The following FBXO41 variants were observed in gnomAD, a reference collection of about 807,000 sequenced individuals.
FBXO41 encodes F-box only protein 41.
FBXO41 carries 33 observed loss-of-function variants against 81.6 expected under a neutral mutation model. That is an observed-to-expected ratio of 0.40 (90% confidence interval 0.31 to 0.54). The LOEUF is 0.54. Among genes scored for constraint, FBXO41 ranks in the 20% least tolerant of loss-of-function variants. FBXO41 has a pLI of 0.39. For synonymous variants in FBXO41, 576 were observed against 552.7 expected (o/e 1.04, Z -0.59); for missense variants, 1,107 against 1,236.0 (o/e 0.90, Z 1.56).
In FBXO41 at chr2:73,269,708, C is replaced by G. The variant is rs894436513; in HGVS notation, c.-78G>C. ...AGCCGGGCGCGCTCATGGGGGACCG[C>G]GGGCGAGGCCCCCTGCGGGGTCAGG... On this transcript the variant is annotated 5_prime_UTR_variant, in exon 2 of 13. Transcript: ENST00000520530. The surrounding 1 kb of genome is among the most constrained non-coding windows in gnomAD (Gnocchi z 7.0). The G allele has an allele frequency of 1.6e-5, 17 of 1,034,088 alleles. No homozygotes were observed. Among genetic ancestry groups the G allele is most frequent in the Non-Finnish European group, 9.5e-6 (8 of 843,522 alleles). The allele number at this position is 1,034,088 out of a possible 1,614,324, so 64.1% of individuals were successfully genotyped here.
chr2:73,259,151 T>C lies in FBXO41; in HGVS notation c.2565+30A>G. Reference sequence around the variant, plus strand: ...CCCAGTCTAGGGATGCCACTTGGGGTCTTGGACAGCCTCAGAGCTGACCCC... The same window carrying C: ...CCCAGTCTAGGGATGCCACTTGGGGCCTTGGACAGCCTCAGAGCTGACCCC... On this transcript the variant is annotated intron_variant, in intron 12 of 12. Transcript: ENST00000520530. The surrounding 1 kb of genome is among the most constrained non-coding windows in gnomAD (Gnocchi z 4.2). 6.2e-7 allele frequency: 1 copy of C among 1,613,110 alleles called. No individual in the cohort carries two copies. The highest frequency in any genetic ancestry group is 8.5e-7 in the Non-Finnish European group (1 of 1,179,250).
Position 73,260,498 on chromosome 2 carries a change from C to T in FBXO41, c.2340G>A (p.Glu780=). ...LQVLELDHVS[E]ITQEVAAEVC... ...CCTCTGCTGCCACCTCCTGGGTGAT[C>T]TCTGACACGTGGTCAAGCTCCAGGA... The change falls in exon 11 of 13, where the codon GAG becomes GAA. Residue 780 remains glutamate, a synonymous_variant. Coordinates refer to ENST00000520530, the MANE Select transcript of FBXO41 (RefSeq NM_001371389.2). The surrounding 1 kb of genome is among the most constrained non-coding windows in gnomAD (Gnocchi z 5.0). The T allele has an allele frequency of 6.2e-7, 1 of 1,602,648 alleles. No homozygotes were observed. The highest frequency in any genetic ancestry group is 8.5e-7 in the Non-Finnish European group (1 of 1,174,786).
chr2:73,265,426 G>T lies in FBXO41; in HGVS notation c.1420C>A (p.Pro474Thr), dbSNP rs908113664. The T allele has an allele frequency of 6.2e-6, 10 of 1,608,526 alleles. No individual in the cohort carries two copies. The highest frequency in any genetic ancestry group is 4.0e-5 in the African/African-American group (3 of 74,936). Residue 474 changes from proline to threonine, a missense_variant, in exon 5 of 13, where the codon CCC (proline) becomes ACC (threonine). By Grantham distance (38) the Pro-to-Thr change is conservative. Around this residue, in one of 2 missense-constraint regions of FBXO41, gnomAD observed 771 missense variants for 789.2 expected, o/e 0.98. Transcript: ENST00000520530. ...TCCCCCTCAGTGCTGTGTCGGCGGG[G>T]TCTGCGCTGCCAGTTCTGGATGGCC... ...RQAIQNWQRR[P>T]RRHSTEGEEG...
intron 1 of FBXO41, among the ~76,000 whole-genome samples, chr2:73,281,609 C>A (rs1286565762): frequency 3.9e-5 from 6 of 152,318 alleles, no homozygotes; most frequent in Middle Eastern, 3.4e-3. Flanking sequence ...TTGGGCTAGA[C>A]TAGCAAATGA....
At position 73,260,445 on chromosome 2, in the gene FBXO41, T is replaced by G. The variant is rs528806198; in HGVS notation, c.2393A>C (p.Glu798Ala). The part of the protein sequence containing the change: ...EVCREGLKGL[E>A]MLVLTATPVT... ...GGGAGTCGCCGTGAGCACCAGCATC[T>G]CCAGTCCCTTCAGGCCTTCCCGGCA... The change falls in exon 11 of 13, where the codon GAG (glutamate) becomes GCG (alanine). Residue 798 changes from glutamate to alanine, a missense_variant. Around this residue, in one of 2 missense-constraint regions of FBXO41, gnomAD observed 336 missense variants for 446.7 expected, o/e 0.75. Transcript: ENST00000520530. This position sits in a 1 kb window ranked among gnomAD's most constrained non-coding sequence, Gnocchi z 5.0. 2.5e-6 allele frequency: 4 copies of G among 1,609,606 alleles called. 1 individual carries two copies. In the South Asian group the frequency reaches 4.5e-5, roughly 18 times the overall value.
At position 73,255,568 on chromosome 2, in the gene FBXO41, G is replaced by A. The variant is rs1394499599; in HGVS notation, c.*3414C>T. On this transcript the variant is annotated 3_prime_UTR_variant, in exon 13 of 13. Transcript: ENST00000520530. ...TCGAGTTAACTTCTCTGGGCATTTG[G>A]GCCTTACACCCACTCACCATCTCCT... 3.9e-5 allele frequency: 6 copies of A among 152,610 alleles called. No individual in the cohort carries two copies. The highest frequency in any genetic ancestry group is 1.4e-4 in the African/African-American group (6 of 41,438). 9.5% of individuals were successfully genotyped at this position (152,610 alleles called of 1,614,324 possible).
At chr2:73,267,498 C>T (rs1688313336) in intron 2 of FBXO41, among the ~76,000 whole-genome samples, 1 of 152,198 alleles carries the variant, frequency 6.6e-6, no homozygotes, top group South Asian at 2.1e-4. Flanking sequence ...GTTTGTGCAT[C>T]CATTCAACAT....
chr2:73,282,276 G>T (rs1053660422), intron 1 of FBXO41, among the ~76,000 whole-genome samples: 3 of 152,184 alleles, frequency 2.0e-5, no homozygotes, highest in African/African-American at 7.2e-5. Flanking sequence ...TTACAGGCGT[G>T]AGCCACCGTG....
intron 1 of FBXO41, among the ~76,000 whole-genome samples, chr2:73,274,846 C>T (rs925431338): frequency 6.7e-6 from 1 of 149,548 alleles, no homozygotes; most frequent in African/African-American, 2.5e-5. Context: ...GATTATAGGC[C>T]TGAACCATTG....
Position 73,256,454 on chromosome 2 carries a change from G to C in FBXO41, c.*2528C>G, listed in dbSNP as rs898436052. 5 of 152,196 alleles carry C rather than the reference G, an allele frequency of 3.3e-5. No individual in the cohort carries two copies. Among genetic ancestry groups the C allele is most frequent in the African/African-American group, 1.2e-4 (5 of 41,380 alleles). 9.4% of individuals were successfully genotyped at this position (152,196 alleles called of 1,614,324 possible). On this transcript the variant is annotated 3_prime_UTR_variant, in exon 13 of 13. Coordinates refer to ENST00000520530, the MANE Select transcript of FBXO41 (RefSeq NM_001371389.2). ...AGGGGCTGCAAAGCTGCCAGTGCTT[G>C]GGCATGCATGAAGGCTAGGGGGCAC...
chr2:73,265,941 AC>A lies in FBXO41; in HGVS notation c.1156del (p.Val386CysfsTer130). 1 of 1,583,322 alleles carries A rather than the reference AC, an allele frequency of 6.3e-7. No homozygotes were observed. Among genetic ancestry groups the A allele is most frequent in the Non-Finnish European group, 8.6e-7 (1 of 1,164,340 alleles). On this transcript the variant is annotated frameshift_variant, in exon 4 of 13. Coordinates refer to ENST00000520530, the MANE Select transcript of FBXO41 (RefSeq NM_001371389.2). LOFTEE classifies it high-confidence loss of function. ...CCGTGACACTGCATATGTGTTAGGC[AC>A]GGCCGGGCCCACGTGGTGTTCTCGC... ...RMREHHVGPA[V>X]PNTYAVSRHG...
chr2:73,276,438 A>G (rs1688683030), intron 1 of FBXO41, among the ~76,000 whole-genome samples: 3 of 151,820 alleles, frequency 2.0e-5, no homozygotes, highest in Admixed American at 2.0e-4. Flanking sequence ...GTGTGTAGTA[A>G]TTGTTTCAAC....
Position 73,276,592 on chromosome 2 carries a change from GA to G in FBXO41, c.-138-6825del, listed in dbSNP as rs1688692014. Among the ~76,000 whole-genome samples, 3 of 130,466 alleles carry G rather than the reference GA, an allele frequency of 2.3e-5. 1 individual carries two copies. The East Asian group carries it at 1.0e-3, about 44-fold the overall frequency. 85.6% of individuals were successfully genotyped at this position (130,466 alleles called of 152,430 possible). ...AGAGAGAGAGAGAGAGAGAGAGAGAGAGAGAGAGAGAGGGAGAGAGGGAGAG... is the reference window on the plus strand; with the variant it reads ...AGAGAGAGAGAGAGAGAGAGAGAGAGGAGAGAGAGAGGGAGAGAGGGAGAG... On this transcript the variant is annotated intron_variant, in intron 1 of 12. Transcript: ENST00000520530.
rs745407270 is a variant in FBXO41 at position 73,259,311 on chromosome 2, G to A, written c.2450-15C>T. The A allele has an allele frequency of 1.2e-6, 2 of 1,609,910 alleles. No individual in the cohort carries two copies. The highest frequency in any genetic ancestry group is 1.7e-6 in the Non-Finnish European group (2 of 1,176,236). On this transcript the variant is annotated splice_polypyrimidine_tract_variant and intron_variant, in intron 11 of 12. Transcript: ENST00000520530. This position sits in a 1 kb window ranked among gnomAD's most constrained non-coding sequence, Gnocchi z 4.2. ...CCGGCAGATGCCTGAGAAAAGGTGAGCAAAGTAGGGGCGTGTTTGGCCTGG... is the reference window on the plus strand; with the variant it reads ...CCGGCAGATGCCTGAGAAAAGGTGAACAAAGTAGGGGCGTGTTTGGCCTGG...
At chr2:73,270,624 C>T (rs1688463380) in intron 1 of FBXO41, among the ~76,000 whole-genome samples, 1 of 152,096 alleles carries the variant, frequency 6.6e-6, no homozygotes, top group African/African-American at 2.4e-5. Context: ...GGTAGGCTTC[C>T]AGTAAGTGTC....
rs747891713 is a variant in FBXO41 at position 73,259,066 on chromosome 2, A to G, written c.2566-22T>C. 5 of 1,606,020 alleles carry G rather than the reference A, an allele frequency of 3.1e-6. No homozygotes were observed. Among genetic ancestry groups the G allele is most frequent in the African/African-American group, 1.3e-5 (1 of 74,766 alleles). ...GAGCCTGCGGACCGAACCCTGGGTT[A>G]GTTCTCCCTCCGTGCCAGGCAGGTG... On this transcript the variant is annotated intron_variant, in intron 12 of 12. Coordinates refer to ENST00000520530, the MANE Select transcript of FBXO41 (RefSeq NM_001371389.2). The surrounding 1 kb of genome is among the most constrained non-coding windows in gnomAD (Gnocchi z 4.2).
At chr2:73,280,583 AG>A (rs1303447390) in intron 1 of FBXO41, among the ~76,000 whole-genome samples, 1 of 152,210 alleles carries the variant, frequency 6.6e-6, no homozygotes, top group Non-Finnish European at 1.5e-5. Flanking sequence ...TGCCAAGTCT[AG>A]GCTCATGCTG....
At position 73,269,273 on chromosome 2, in the gene FBXO41, C is replaced by T. The variant is rs1410537231; in HGVS notation, c.358G>A (p.Gly120Ser). 6.5e-7 allele frequency: 1 copy of T among 1,530,648 alleles called. No individual in the cohort carries two copies. The highest frequency in any genetic ancestry group is 2.0e-5 in the Admixed American group (1 of 49,740). 94.8% of individuals were successfully genotyped at this position (1,530,648 alleles called of 1,614,324 possible). ...GGCAGGCTAGCGGGCACCAGGTCGC[C>T]GGGGAAGTGGGCGAGGGGAGCGTGG... The part of the protein sequence containing the change: ...HHHAPLAHFP[G>S]DLVPASLPCE... Residue 120 changes from glycine (G) to serine (S), a missense_variant, in exon 2 of 13, where the codon GGC becomes AGC. Physicochemically the swap from Gly to Ser is moderately conservative, Grantham distance 56. This residue lies in a region of FBXO41 where 771 missense variants were observed against 789.2 expected (regional missense o/e 0.98). Transcript: ENST00000520530. The surrounding 1 kb of genome is among the most constrained non-coding windows in gnomAD (Gnocchi z 7.0).
chr2:73,282,875 T>C (rs1688888064), intron 1 of FBXO41, among the ~76,000 whole-genome samples: 1 of 152,176 alleles, frequency 6.6e-6, no homozygotes, highest in Admixed American at 6.5e-5. Context: ...CTGGTGGCCC[T>C]GCCTCCCGGT....
Sources: gnomAD v4.1 joint callset for allele counts (sites outside exome capture counted in the v4.1 genomes callset) on GRCh38, gnomAD v4.1.1 for gene constraint, gnomAD v4.1.1 regional missense constraint, Gnocchi (gnomAD v3.1) non-coding constraint, MANE v1.5 for transcripts, NCBI Gene and HGNC (gene_info 2026-07-23, HGNC 2026-07-21) for gene names.